Variants in EBF3 observed in about 807,000 individuals in gnomAD.
The protein encoded by EBF3 is EBF transcription factor 3, also known as transcription factor COE3.
Under a neutral mutation model 77.1 loss-of-function variants are expected in EBF3, and 18 were observed. The ratio of observed to expected loss-of-function variants is 0.23; its 90% CI spans 0.16 to 0.35. EBF3 has a LOEUF of 0.35. Ranked by LOEUF, EBF3 falls within the 10% of genes least tolerant of loss-of-function variation. The probability of loss-of-function intolerance (pLI) is 1.00; values close to 1 mark genes in which losing one functional copy is unlikely to be tolerated. For missense variants in EBF3, 558 were observed against 860.0 expected, an observed-to-expected ratio of 0.65 and a Z score of 4.39; for synonymous variants, 350 against 343.5, an observed-to-expected ratio of 1.02 and a Z score of -0.21.
Position 129,917,651 on chromosome 10 carries a change from C to CAAAAAAAAAAAAAAAA in EBF3, c.554+39591_554+39606dup, listed in dbSNP as rs71481019. ...TGGGCACCACAGCAAGACCCTGCCTCAAAAAAAAAAAAAAAAAAAAAAAAA... is the reference window on the plus strand; with the variant it reads ...TGGGCACCACAGCAAGACCCTGCCTCAAAAAAAAAAAAAAAAAAAAAAAAAAAAAAAAAAAAAAAAA... On this transcript the variant is annotated intron_variant, in intron 6 of 16. Transcript: ENST00000440978. Among the ~76,000 whole-genome samples the CAAAAAAAAAAAAAAAA allele has an allele frequency of 3.0e-4, 7 of 23,592 alleles. 1 individual carries two copies. The highest frequency in any genetic ancestry group is 9.4e-4 in the African/African-American group (5 of 5,332). The allele number at this position is 23,592 out of a possible 152,430, so 15.5% of individuals were successfully genotyped here. A position where few individuals can be genotyped will look rare whatever the true frequency, so the allele number is the denominator to read the frequency against.
chr10:129,908,127 T>C (rs577526054), intron 6 of EBF3, among the ~76,000 whole-genome samples: 69 of 152,328 alleles, frequency 4.5e-4, no homozygotes, highest in Non-Finnish European at 9.1e-4. Flanking sequence ...TCTTGCTTAA[T>C]AGACAGGCCA....
intron 6 of EBF3, among the ~76,000 whole-genome samples, chr10:129,901,047 T>C (rs1029469463): frequency 6.6e-6 from 1 of 152,228 alleles, no homozygotes; most frequent in African/African-American, 2.4e-5. Flanking sequence ...GGTAAGTCTT[T>C]TTCTGGCACG....
intron 10 of EBF3, among the ~76,000 whole-genome samples, chr10:129,862,555 C>A (rs550225264): frequency 1.3e-5 from 2 of 152,270 alleles, no homozygotes; most frequent in East Asian, 3.9e-4. Context: ...CCCGACCCAG[C>A]CACGTCCCCA....
Position 129,839,201 on chromosome 10 carries a change from A to G in EBF3, c.1760-6T>C. 1 of 1,224,094 alleles carries G rather than the reference A, an allele frequency of 8.2e-7. No individual in the cohort carries two copies. The highest frequency in any genetic ancestry group is 1.1e-6 in the Non-Finnish European group (1 of 915,908). 75.8% of individuals were successfully genotyped at this position (1,224,094 alleles called of 1,614,324 possible). A position where few individuals can be genotyped will look rare whatever the true frequency, so the allele number is the denominator to read the frequency against. The stretch of plus-strand genomic sequence containing the variant: ...CTCAGCACCCAGCAGAGAGCCTGGT[A>G]CATAGTAGGTGCTCAGTAAATACTG... On this transcript the variant is annotated splice_polypyrimidine_tract_variant and splice_region_variant and intron_variant, in intron 15 of 16. Coordinates refer to ENST00000440978, the MANE Select transcript of EBF3 (RefSeq NM_001375380.1).
At chr10:129,911,758 A>C (rs1279535808) in intron 6 of EBF3, among the ~76,000 whole-genome samples, 1 of 152,070 alleles carries the variant, frequency 6.6e-6, no homozygotes, top group African/African-American at 2.4e-5. Context: ...ATATGGGGGA[A>C]ATGGTGACCC....
intron 6 of EBF3, among the ~76,000 whole-genome samples, chr10:129,946,032 CT>C (rs1023044530): frequency 3.3e-5 from 5 of 151,950 alleles, no homozygotes; most frequent in African/African-American, 9.7e-5. Flanking sequence ...AAAAAAAATC[CT>C]GTTCCTGGCT....
intron 6 of EBF3, among the ~76,000 whole-genome samples, chr10:129,896,237 C>T (rs1239272685): frequency 6.6e-6 from 1 of 152,102 alleles, no homozygotes; most frequent in East Asian, 1.9e-4. Flanking sequence ...CCAACTCTGC[C>T]AAAAAAACCC....
In EBF3 at chr10:129,858,612, A is replaced by C. The variant is rs150683590; in HGVS notation, c.1039+8529T>G. Among the ~76,000 whole-genome samples the C allele has an allele frequency of 6.5e-3, 992 of 152,350 alleles. 8 individuals carry two copies. The highest frequency in any genetic ancestry group is 0.023 in the African/African-American group (965 of 41,582). ...GCCTGGGGCTGAGACAAAAAGGGCC[A>C]GTGGGGAGATTCCCAGCCAAGGGCC... On this transcript the variant is annotated intron_variant, in intron 10 of 16. Transcript: ENST00000440978.
chr10:129,890,841 G>A (rs1165674305), intron 6 of EBF3, among the ~76,000 whole-genome samples: 1 of 152,184 alleles, frequency 6.6e-6, no homozygotes, highest in African/African-American at 2.4e-5. Flanking sequence ...GAAGGCAAAA[G>A]AGCTGATACT....
chr10:129,845,346 G>C (rs1330609237), intron 11 of EBF3: 1 of 152,246 alleles, frequency 6.6e-6, no homozygotes, highest in Non-Finnish European at 1.5e-5. Context: ...GTAATTGGCT[G>C]CCTTTCAATA....
chr10:129,856,506 T>A (rs1045223725), intron 10 of EBF3, among the ~76,000 whole-genome samples: 1 of 152,100 alleles, frequency 6.6e-6, no homozygotes, highest in African/African-American at 2.4e-5. Context: ...TGGCCCCATT[T>A]ATAGGAAATA....
intron 9 of EBF3, 87 bp downstream of exon 9, chr10:129,867,695 A>C (rs1211992576): frequency 6.4e-7 from 1 of 1,573,148 alleles, no homozygotes; most frequent in Non-Finnish European, 8.6e-7. Context: ...GCCATAGGGC[A>C]CCTTGTGTCA....
At chr10:129,945,743 A>G (rs1246021552) in intron 6 of EBF3, among the ~76,000 whole-genome samples, 2 of 152,294 alleles carry the variant, frequency 1.3e-5, no homozygotes, top group East Asian at 3.9e-4. Flanking sequence ...CAGAACACTC[A>G]TATTTCCTTG....
rs1849648650 is a variant in EBF3, at chr10:129,836,957, AT to A, written c.*985del. ...AGGAATAAAACTTGTTTTTCTAAAT[AT>A]TTTAAGTGGATCTGAAAAAAATTCA... On this transcript the variant is annotated 3_prime_UTR_variant, in exon 17 of 17. Transcript: ENST00000440978. 6.6e-6 allele frequency: 1 copy of A among 152,646 alleles called. No homozygotes were observed. Among genetic ancestry groups the A allele is most frequent in the African/African-American group, 2.4e-5 (1 of 41,458 alleles). 9.5% of individuals were successfully genotyped at this position (152,646 alleles called of 1,614,324 possible).
At chr10:129,948,970 C>G (rs1858453897) in intron 6 of EBF3, among the ~76,000 whole-genome samples, 1 of 152,188 alleles carries the variant, frequency 6.6e-6, no homozygotes. Flanking sequence ...ATTTAGGCCC[C>G]TGCCAGCCAT....
intron 6 of EBF3, among the ~76,000 whole-genome samples, chr10:129,946,959 G>C (rs181403744): frequency 8.6e-4 from 131 of 152,276 alleles, no homozygotes; most frequent in East Asian, 3.3e-3. Flanking sequence ...CTGGGGCCTC[G>C]CTGGCCGGGG....
At chr10:129,843,063 C>A in intron 12 of EBF3, 74 bp downstream of exon 12, 1 of 1,485,280 alleles carries the variant, frequency 6.7e-7, no homozygotes, top group Non-Finnish European at 9.3e-7. Context: ...AAAGCCCACA[C>A]TGGAGCCACG....
chr10:129,958,170 T>A (rs1161666816), intron 5 of EBF3, among the ~76,000 whole-genome samples: 1 of 152,252 alleles, frequency 6.6e-6, no homozygotes, highest in Non-Finnish European at 1.5e-5. Context: ...ATTAGTGCTG[T>A]AACAATATGT....
At chr10:129,847,962 GA>G (rs1442376503) in intron 11 of EBF3, among the ~76,000 whole-genome samples, 2 of 152,186 alleles carry the variant, frequency 1.3e-5, no homozygotes, top group East Asian at 3.9e-4. Context: ...TCGAGCTTTA[GA>G]AAATGAAAGG....
Sources: gnomAD v4.1 joint callset for allele counts (sites outside exome capture counted in the v4.1 genomes callset) on GRCh38, gnomAD v4.1.1 for gene constraint, MANE v1.5 for transcripts, NCBI Gene and HGNC (gene_info 2026-07-23, HGNC 2026-07-21) for gene names.